The following BRIP1 variants were observed in gnomAD, a reference collection of about 807,000 sequenced individuals.
BRIP1 encodes the protein BRCA1 interacting DNA helicase 1.
BRIP1 carries 88 observed loss-of-function variants against 119.7 expected under a neutral mutation model. The ratio of observed to expected loss-of-function variants is 0.74; its 90% CI spans 0.62 to 0.88. The LOEUF (loss-of-function observed/expected upper bound fraction) is 0.88, where lower values mean the gene tolerates loss of function less well. Ranked by LOEUF, BRIP1 falls within the 40% of genes least tolerant of loss-of-function variation. The probability of loss-of-function intolerance (pLI) is 0.00; values close to 1 mark genes in which losing one functional copy is unlikely to be tolerated. For missense variants in BRIP1, 1,259 were observed against 1,455.4 expected, an observed-to-expected ratio of 0.87 and a Z score of 2.20; for synonymous variants, 443 against 496.5, an observed-to-expected ratio of 0.89 and a Z score of 1.43.
Position 61,705,243 on chromosome 17 carries a change from C to T in BRIP1, c.2492+10708G>A, listed in dbSNP as rs1033451404. Among the ~76,000 whole-genome samples the T allele has an allele frequency of 1.3e-5, 2 of 152,138 alleles. No individual in the cohort carries two copies. Among genetic ancestry groups the T allele is most frequent in the Non-Finnish European group, 1.5e-5 (1 of 68,022 alleles). Reference sequence around the variant, plus strand: ...TGCTTAGGATAATGGCCTCCAGTTGCATCCATGTTGCGGCAAGGACATGAT... The same window carrying T: ...TGCTTAGGATAATGGCCTCCAGTTGTATCCATGTTGCGGCAAGGACATGAT... On this transcript the variant is annotated intron_variant, in intron 17 of 19. Coordinates refer to ENST00000259008, the MANE Select transcript of BRIP1 (RefSeq NM_032043.3). The surrounding 1 kb of genome is among the most constrained non-coding windows in gnomAD (Gnocchi z 5.0).
chr17:61,702,544 G>A (rs1286969487), intron 17 of BRIP1, among the ~76,000 whole-genome samples: 4 of 152,284 alleles, frequency 2.6e-5, no homozygotes, highest in East Asian at 1.9e-4. Flanking sequence ...GTGTATAAGT[G>A]AGAACATGTG....
chr17:61,847,344 A>G, intron 5 of BRIP1, 124 bp from the exon 6 acceptor site: 1 of 1,043,934 alleles, frequency 9.6e-7, no homozygotes, highest in Non-Finnish European at 1.4e-6. Flanking sequence ...TATTTCTAAC[A>G]GGCAATAATA....
At position 61,843,832 on chromosome 17, in the gene BRIP1, A is replaced by T. The variant is rs982041148; in HGVS notation, c.627+3269T>A. On this transcript the variant is annotated intron_variant, in intron 6 of 19. Coordinates refer to ENST00000259008, the MANE Select transcript of BRIP1 (RefSeq NM_032043.3). The surrounding 1 kb of genome is among the most constrained non-coding windows in gnomAD (Gnocchi z 5.7). Reference sequence around the variant, plus strand: ...TATAACAATTCAAACAGACTATCACAGCTTGGCTGTAGTAATAATTTCACT... The same window carrying T: ...TATAACAATTCAAACAGACTATCACTGCTTGGCTGTAGTAATAATTTCACT... Among the ~76,000 whole-genome samples the T allele has an allele frequency of 1.1e-4, 16 of 152,174 alleles. No homozygotes were observed. Among genetic ancestry groups the T allele is most frequent in the African/African-American group, 3.9e-4 (16 of 41,446 alleles).
Position 61,736,711 on chromosome 17 carries a change from A to G in BRIP1, c.2379+6302T>C, listed in dbSNP as rs1202219938. ...AATCATTAACTAAAACATTTATTAA[A>G]CACTGTGTTTTTAGGTAATATCTTA... On this transcript the variant is annotated intron_variant, in intron 16 of 19. Transcript: ENST00000259008. The surrounding 1 kb of genome is among the most constrained non-coding windows in gnomAD (Gnocchi z 4.4). Among the ~76,000 whole-genome samples, 1 of 152,222 alleles carries G rather than the reference A, an allele frequency of 6.6e-6. No individual in the cohort carries two copies. The highest frequency in any genetic ancestry group is 1.9e-4 in the East Asian group (1 of 5,200).
chr17:61,789,766 G>A lies in BRIP1; in HGVS notation c.1473+3831C>T, dbSNP rs975324719. ...CACAATATATTGTTAAATTAAAAGA[G>A]GGTAAAACAAATGTGTCATATCAGA... On this transcript the variant is annotated intron_variant, in intron 10 of 19. Coordinates refer to ENST00000259008, the MANE Select transcript of BRIP1 (RefSeq NM_032043.3). This position sits in a 1 kb window ranked among gnomAD's most constrained non-coding sequence, Gnocchi z 4.8. Among the ~76,000 whole-genome samples the A allele has an allele frequency of 3.3e-5, 5 of 152,006 alleles. No individual in the cohort carries two copies. Among genetic ancestry groups the A allele is most frequent in the Non-Finnish European group, 7.4e-5 (5 of 67,988 alleles).
chr17:61,826,414 G>A (rs1393863622), intron 6 of BRIP1, among the ~76,000 whole-genome samples: 5 of 152,104 alleles, frequency 3.3e-5, no homozygotes, highest in Admixed American at 6.6e-5. Flanking sequence ...TAAAATTAAA[G>A]AGTTAATGCA....
chr17:61,814,592 G>GGATAT lies in BRIP1; in HGVS notation c.628-5840_628-5836dup, dbSNP rs2078209665. Among the ~76,000 whole-genome samples, 1 of 152,000 alleles carries GGATAT rather than the reference G, an allele frequency of 6.6e-6. No homozygotes were observed. Among genetic ancestry groups the GGATAT allele is most frequent in the Non-Finnish European group, 1.5e-5 (1 of 67,922 alleles). Reference sequence around the variant, plus strand: ...TATCCACCAGATTGGGTACTGGAGAGGATATGAAGAAACTCTTATTCACTG... The same window carrying GGATAT: ...TATCCACCAGATTGGGTACTGGAGAGGATATGATATGAAGAAACTCTTATTCACTG... On this transcript the variant is annotated intron_variant, in intron 6 of 19. Transcript: ENST00000259008. The surrounding 1 kb of genome is among the most constrained non-coding windows in gnomAD (Gnocchi z 4.9).
intron 17 of BRIP1, among the ~76,000 whole-genome samples, chr17:61,696,190 G>C (rs1427401867): frequency 3.3e-5 from 4 of 122,206 alleles, no homozygotes; most frequent in African/African-American, 1.3e-4. Context: ...GTTGAATACT[G>C]TTTTATGCTT....
chr17:61,799,300 C>A lies in BRIP1; in HGVS notation c.1141-1G>T, dbSNP rs2145310563. ...CCTGTTCTTTCAGATTTAAATCCAT[C>A]TATAAGATAAAAGAATTTTCTTGTA... On this transcript the variant is annotated splice_acceptor_variant, in intron 8 of 19. Transcript: ENST00000259008. LOFTEE classifies it high-confidence loss of function. The surrounding 1 kb of genome is among the most constrained non-coding windows in gnomAD (Gnocchi z 5.1). The A allele has an allele frequency of 6.2e-7, 1 of 1,607,578 alleles. No homozygotes were observed. Among genetic ancestry groups the A allele is most frequent in the Non-Finnish European group, 8.5e-7 (1 of 1,174,830 alleles).
rs1374399704 is a variant in BRIP1 at position 61,738,723 on chromosome 17, A to G, written c.2379+4290T>C. 6.6e-6 allele frequency among the ~76,000 whole-genome samples: 1 copy of G among 152,230 alleles called. No homozygotes were observed. Among genetic ancestry groups the G allele is most frequent in the East Asian group, 1.9e-4 (1 of 5,198 alleles). On this transcript the variant is annotated intron_variant, in intron 16 of 19. Transcript: ENST00000259008. This position sits in a 1 kb window ranked among gnomAD's most constrained non-coding sequence, Gnocchi z 4.2. ...AGAAATGGAATTTTCTCACAAATGT[A>G]TATTTTTAATTTTAAGAATTTTTGG...
intron 16 of BRIP1, among the ~76,000 whole-genome samples, chr17:61,716,713 C>G (rs943021579): frequency 1.7e-5 from 1 of 58,748 alleles, no homozygotes; most frequent in African/African-American, 9.0e-5. Context: ...TTGCTTCCCC[C>G]CTACCCCCCC....
intron 10 of BRIP1, among the ~76,000 whole-genome samples, chr17:61,791,651 A>T (rs1042273062): frequency 2.6e-5 from 4 of 152,086 alleles, no homozygotes; most frequent in African/African-American, 7.2e-5. Flanking sequence ...CCAAGAACAG[A>T]TGCATTGAAG....
chr17:61,744,776 G>A lies in BRIP1; in HGVS notation c.2098-185C>T, dbSNP rs1406566281. ...GGGGTTAAATTTATTAACAGATTTA[G>A]AGAGATCTGAATGGTGCTGGCACAG... On this transcript the variant is annotated intron_variant, in intron 14 of 19. Transcript: ENST00000259008. This position sits in a 1 kb window ranked among gnomAD's most constrained non-coding sequence, Gnocchi z 5.0. Among the ~76,000 whole-genome samples, 2 of 151,918 alleles carry A rather than the reference G, an allele frequency of 1.3e-5. No individual in the cohort carries two copies. Among genetic ancestry groups the A allele is most frequent in the Non-Finnish European group, 2.9e-5 (2 of 67,958 alleles).
intron 4 of BRIP1, among the ~76,000 whole-genome samples, 175 bp from the exon 5 acceptor site, chr17:61,849,431 C>T (rs1186445789): frequency 6.6e-6 from 1 of 151,912 alleles, no homozygotes; most frequent in Non-Finnish European, 1.5e-5. Context: ...TTTACTTTAC[C>T]AAAGATTCTG....
At position 61,806,739 on chromosome 17, in the gene BRIP1, C is replaced by T. The variant is rs1324834088; in HGVS notation, c.918+1728G>A. Among the ~76,000 whole-genome samples, 1 of 152,104 alleles carries T rather than the reference C, an allele frequency of 6.6e-6. No individual in the cohort carries two copies. The highest frequency in any genetic ancestry group is 1.5e-5 in the Non-Finnish European group (1 of 68,016). On this transcript the variant is annotated intron_variant, in intron 7 of 19. Coordinates refer to ENST00000259008, the MANE Select transcript of BRIP1 (RefSeq NM_032043.3). The surrounding 1 kb of genome is among the most constrained non-coding windows in gnomAD (Gnocchi z 4.9). ...TGAGACAAGAGCCTTGCTCTGTTGC[C>T]CAGGCTGCAGTGCAGTGGCGCGATC... is the stretch of plus-strand genomic sequence containing the variant.
intron 6 of BRIP1, among the ~76,000 whole-genome samples, chr17:61,817,427 A>G (rs1479308758): frequency 6.6e-6 from 1 of 152,228 alleles, no homozygotes; most frequent in African/African-American, 2.4e-5. Context: ...AAAATGAGAA[A>G]ACAATGCTAT....
Position 61,722,789 on chromosome 17 carries a change from C to T in BRIP1, c.2380-6726G>A, listed in dbSNP as rs927847988. 1.3e-5 allele frequency among the ~76,000 whole-genome samples: 2 copies of T among 152,144 alleles called. No individual in the cohort carries two copies. The highest frequency in any genetic ancestry group is 2.9e-5 in the Non-Finnish European group (2 of 68,016). On this transcript the variant is annotated intron_variant, in intron 16 of 19. Transcript: ENST00000259008. The surrounding 1 kb of genome is among the most constrained non-coding windows in gnomAD (Gnocchi z 4.6). The stretch of plus-strand genomic sequence containing the variant: ...TCCTTGGTCTTCTATTTTTCATTAA[C>T]ATAATTAAAATTTTCTGTATGGCTA...
At position 61,753,400 on chromosome 17, in the gene BRIP1, C is replaced by T. The variant is rs1385845596; in HGVS notation, c.2098-8809G>A. Among the ~76,000 whole-genome samples the T allele has an allele frequency of 6.6e-6, 1 of 152,032 alleles. No homozygotes were observed. The highest frequency in any genetic ancestry group is 1.5e-5 in the Non-Finnish European group (1 of 68,020). Reference sequence around the variant, plus strand: ...GGAAGGAAAGATTAAAAGTTTGTTGCCTTTAAGATATCCAAATGGAAATGT... The same window carrying T: ...GGAAGGAAAGATTAAAAGTTTGTTGTCTTTAAGATATCCAAATGGAAATGT... On this transcript the variant is annotated intron_variant, in intron 14 of 19. Coordinates refer to ENST00000259008, the MANE Select transcript of BRIP1 (RefSeq NM_032043.3). This position sits in a 1 kb window ranked among gnomAD's most constrained non-coding sequence, Gnocchi z 4.6.
intron 17 of BRIP1, among the ~76,000 whole-genome samples, chr17:61,698,190 AT>A (rs942233756): frequency 6.6e-6 from 1 of 151,874 alleles, no homozygotes; most frequent in African/African-American, 2.4e-5. Flanking sequence ...TTCCATTTTC[AT>A]TTATCACAAT....
Sources: gnomAD v4.1 joint callset for allele counts (sites outside exome capture counted in the v4.1 genomes callset) on GRCh38, gnomAD v4.1.1 for gene constraint, Gnocchi (gnomAD v3.1) non-coding constraint, MANE v1.5 for transcripts, NCBI Gene and HGNC (gene_info 2026-07-23, HGNC 2026-07-21) for gene names.